The following RORA variants were observed in gnomAD, a reference collection of about 807,000 sequenced individuals.
The protein encoded by RORA is nuclear receptor ROR-alpha.
A neutral mutation model predicts 69.5 loss-of-function variants in RORA; 7 were observed. That is an observed-to-expected ratio of 0.10 (90% confidence interval 0.06 to 0.19). The LOEUF (loss-of-function observed/expected upper bound fraction) is 0.19, where lower values mean the gene tolerates loss of function less well. Ranked by LOEUF, RORA falls within the 10% of genes least tolerant of loss-of-function variation. The probability of loss-of-function intolerance (pLI) is 1.00; values close to 1 mark genes in which losing one functional copy is unlikely to be tolerated. For missense variants in RORA, 457 were observed against 663.0 expected (o/e 0.69, Z 3.41); for synonymous variants, 261 against 240.8 (o/e 1.08, Z -0.78).
intron 1 of RORA, among the ~76,000 whole-genome samples, chr15:60,926,774 C>G (rs921426501): frequency 6.6e-6 from 1 of 152,116 alleles, no homozygotes; most frequent in East Asian, 1.9e-4. Flanking sequence ...ATAAACATGA[C>G]GCATAAAAAT....
chr15:61,052,729 CTT>C (rs2078031672), intron 1 of RORA, among the ~76,000 whole-genome samples: 1 of 152,158 alleles, frequency 6.6e-6, no homozygotes, highest in Non-Finnish European at 1.5e-5. Flanking sequence ...TCCATGCACT[CTT>C]GATTGGTATT....
chr15:61,170,533 G>A (rs2079576280), intron 1 of RORA, among the ~76,000 whole-genome samples: 1 of 152,194 alleles, frequency 6.6e-6, no homozygotes, highest in South Asian at 2.1e-4. Context: ...AATCGCATGT[G>A]CAAGGTCGCT....
intron 1 of RORA, among the ~76,000 whole-genome samples, chr15:61,145,609 A>G (rs1443478345): frequency 6.6e-6 from 1 of 152,236 alleles, no homozygotes; most frequent in East Asian, 1.9e-4. Context: ...CTAGCTCAGA[A>G]AGCTACAATT....
intron 1 of RORA, among the ~76,000 whole-genome samples, chr15:60,763,663 C>A (rs748165139): frequency 2.6e-4 from 39 of 151,652 alleles, no homozygotes; most frequent in Non-Finnish European, 4.7e-4. Context: ...GGAAAATATG[C>A]CAGGGGGGTA....
chr15:61,108,682 G>A (rs2078974491), intron 1 of RORA, among the ~76,000 whole-genome samples: 1 of 152,154 alleles, frequency 6.6e-6, no homozygotes, highest in South Asian at 2.1e-4. Flanking sequence ...TAAGGTTTGA[G>A]GAAAACATGC....
chr15:60,597,022 C>T (rs931026862), intron 2 of RORA, among the ~76,000 whole-genome samples: 6 of 152,152 alleles, frequency 3.9e-5, no homozygotes, highest in Non-Finnish European at 7.3e-5. Flanking sequence ...ATCAGCTGAC[C>T]TGTGCTCTGA....
At chr15:60,989,967 A>G (rs1225558968) in intron 1 of RORA, among the ~76,000 whole-genome samples, 1 of 152,142 alleles carries the variant, frequency 6.6e-6, no homozygotes, top group African/African-American at 2.4e-5. Context: ...TTGGCTAAAA[A>G]TTCTGTGATT....
chr15:60,570,651 A>G (rs1595991766), intron 2 of RORA, among the ~76,000 whole-genome samples: 1 of 152,142 alleles, frequency 6.6e-6, no homozygotes, highest in Non-Finnish European at 1.5e-5. Context: ...CGCCTGGCCC[A>G]TGGACAGTTT....
At chr15:60,967,597 T>C (rs1355918074) in intron 1 of RORA, among the ~76,000 whole-genome samples, 1 of 152,222 alleles carries the variant, frequency 6.6e-6, no homozygotes, top group Admixed American at 6.5e-5. Flanking sequence ...AGCTCAACCA[T>C]GCAAGTGCCA....
chr15:60,714,959 G>A (rs1040547608), intron 1 of RORA, among the ~76,000 whole-genome samples: 1 of 152,100 alleles, frequency 6.6e-6, no homozygotes, highest in African/African-American at 2.4e-5. Context: ...TCAAGTGAGG[G>A]GTAAAGATGG....
intron 1 of RORA, among the ~76,000 whole-genome samples, chr15:60,939,610 T>G (rs1460282117): frequency 6.6e-6 from 1 of 152,260 alleles, no homozygotes; most frequent in Non-Finnish European, 1.5e-5. Context: ...AGGGCGGCCG[T>G]GTCGGCCATC....
intron 3 of RORA, among the ~76,000 whole-genome samples, chr15:60,525,087 A>G (rs955698591): frequency 6.6e-6 from 1 of 151,798 alleles, no homozygotes; most frequent in African/African-American, 2.4e-5. Flanking sequence ...TGAACAAACA[A>G]CAAAACAAAC....
chr15:61,024,638 A>G (rs898729639), intron 1 of RORA, among the ~76,000 whole-genome samples: 2 of 151,762 alleles, frequency 1.3e-5, no homozygotes, highest in African/African-American at 2.4e-5. Context: ...TTTTGTGGAG[A>G]CAGGGTTTCA....
intron 1 of RORA, among the ~76,000 whole-genome samples, chr15:60,718,426 TA>T (rs368795319): frequency 2.1e-4 from 32 of 152,296 alleles, no homozygotes; most frequent in African/African-American, 7.7e-4. Flanking sequence ...TCCTCACTTT[TA>T]AAAATGAGTC....
chr15:60,658,148 T>G (rs2070251026), intron 2 of RORA, among the ~76,000 whole-genome samples: 1 of 152,012 alleles, frequency 6.6e-6, no homozygotes, highest in Admixed American at 6.6e-5. Context: ...TGGCGTGATC[T>G]CGGATCACTG....
intron 1 of RORA, among the ~76,000 whole-genome samples, chr15:61,088,971 G>A (rs2078665176): frequency 6.6e-6 from 1 of 152,158 alleles, no homozygotes; most frequent in African/African-American, 2.4e-5. Flanking sequence ...TGTTCAAAAC[G>A]GTAGCCTCCT....
chr15:61,146,758 T>C (rs1174031599), intron 1 of RORA, among the ~76,000 whole-genome samples: 1 of 152,148 alleles, frequency 6.6e-6, no homozygotes, highest in East Asian at 1.9e-4. Context: ...ATTAAGTCAA[T>C]ATGTCACCCT....
rs1445348024 is a variant in RORA, at chr15:60,820,540, A to G, written c.167-141854T>C. 2.6e-5 allele frequency among the ~76,000 whole-genome samples: 4 copies of G among 152,288 alleles called. No individual in the cohort carries two copies. In the East Asian group the frequency reaches 5.8e-4, roughly 22 times the overall value. On this transcript the variant is annotated intron_variant, in intron 1 of 10. Coordinates refer to ENST00000335670, the MANE Select transcript of RORA (RefSeq NM_134261.3). ...TGAAGAAGGTTTAAGATTTGAGGGA[A>G]AAAAGGCGCATTCTCTTTTCTGTAA...
At chr15:61,149,896 A>G (rs113906749) in intron 1 of RORA, among the ~76,000 whole-genome samples, 15 of 152,324 alleles carry the variant, frequency 9.8e-5, no homozygotes, top group African/African-American at 3.6e-4. Context: ...TAAGGAAAGA[A>G]CAGATATCGG....
Sources: gnomAD v4.1 joint callset for allele counts (sites outside exome capture counted in the v4.1 genomes callset) on GRCh38, gnomAD v4.1.1 for gene constraint, MANE v1.5 for transcripts, NCBI Gene and HGNC (gene_info 2026-07-23, HGNC 2026-07-21) for gene names.